Variants in ABHD5 observed in about 807,000 individuals in gnomAD.
ABHD5 encodes the protein 1-acylglycerol-3-phosphate O-acyltransferase ABHD5.
Under a neutral mutation model 44.9 loss-of-function variants are expected in ABHD5, and 30 were observed. That is an observed-to-expected ratio of 0.67 (90% CI 0.50 to 0.91). The LOEUF is 0.91. Ranked by LOEUF, ABHD5 falls within the 40% of genes least tolerant of loss-of-function variation. ABHD5 has a pLI of 0.00. For synonymous variants in ABHD5, 167 were observed against 147.0 expected (o/e 1.14, Z -0.99); for missense variants, 399 against 423.4 (o/e 0.94, Z 0.50).
chr3:43,724,514 A>G (rs2084865355), downstream of ABHD5, among the ~76,000 whole-genome samples: 1 of 152,198 alleles, frequency 6.6e-6, no homozygotes, highest in Non-Finnish European at 1.5e-5. Flanking sequence ...CATCTACAAG[A>G]TGTTCATTGC....
chr3:43,692,242 TAGAA>T (rs1393363811), intron 1 of ABHD5, among the ~76,000 whole-genome samples: 6 of 152,210 alleles, frequency 3.9e-5, no homozygotes, highest in African/African-American at 1.2e-4. Flanking sequence ...TGTGAAATAT[TAGAA>T]AGGAAGTTAT....
At chr3:43,692,728 G>T (rs1053007733) in intron 1 of ABHD5, among the ~76,000 whole-genome samples, 2 of 152,196 alleles carry the variant, frequency 1.3e-5, no homozygotes, top group Non-Finnish European at 2.9e-5. Context: ...CAGCCTGCCA[G>T]CAAGTAGCAG....
chr3:43,703,627 T>G (rs958477420), intron 3 of ABHD5, among the ~76,000 whole-genome samples: 2 of 152,180 alleles, frequency 1.3e-5, no homozygotes, highest in Non-Finnish European at 2.9e-5. Context: ...AATACAGCAT[T>G]TTTGTGTTGC....
intron 7 of ABHD5, among the ~76,000 whole-genome samples, chr3:43,730,851 C>T (rs866878718): frequency 6.7e-6 from 1 of 150,222 alleles, no homozygotes. Flanking sequence ...TTTTTTGAGA[C>T]GGAGTCTCGA....
chr3:43,693,047 G>A (rs2084420163), intron 1 of ABHD5, among the ~76,000 whole-genome samples: 1 of 152,184 alleles, frequency 6.6e-6, no homozygotes. Context: ...ACCCCTTTCA[G>A]TTGCAATACA....
At chr3:43,708,584 A>G (rs2084650987) in intron 3 of ABHD5, among the ~76,000 whole-genome samples, 1 of 152,188 alleles carries the variant, frequency 6.6e-6, no homozygotes, top group Non-Finnish European at 1.5e-5. Context: ...TACTGTAACT[A>G]GCTTACATTT....
rs2084743745 is a variant in ABHD5 at position 43,715,005 on chromosome 3, C to G, written c.720C>G (p.Phe240Leu). ...TCAAACGAAAGTATTCTTCAATGTT[C>G]GAAGACGATACTGTGACAGAATACA... is the stretch of plus-strand genomic sequence containing the variant. Reference protein sequence around the residue: ...PDFKRKYSSMFEDDTVTEYIY... With the variant: ...PDFKRKYSSMLEDDTVTEYIY... The change falls in exon 5 of 7, where the codon TTC becomes TTG. Residue 240 changes from phenylalanine (F) to leucine (L), a missense_variant. Physicochemically the swap from Phe to Leu is conservative, Grantham distance 22. Coordinates refer to ENST00000644371, the MANE Select transcript of ABHD5 (RefSeq NM_016006.6). 2 of 1,612,458 alleles carry G rather than the reference C, an allele frequency of 1.2e-6. No homozygotes were observed. The highest frequency in any genetic ancestry group is 1.7e-5 in the Admixed American group (1 of 59,910).
Position 43,718,550 on chromosome 3 carries a change from T to G in ABHD5, c.*18T>G. The G allele has an allele frequency of 6.2e-7, 1 of 1,607,336 alleles. No individual in the cohort carries two copies. Among genetic ancestry groups the G allele is most frequent in the Non-Finnish European group, 8.5e-7 (1 of 1,173,786 alleles). On this transcript the variant is annotated 3_prime_UTR_variant, in exon 7 of 7. Transcript: ENST00000644371. ...TGGACTGAACACACTGAAGCTCTGA[T>G]GGGAAAACCTGGTGACTGATATAGT...
At chr3:43,733,071 C>T (rs1697265414) in intron 7 of ABHD5, among the ~76,000 whole-genome samples, 1 of 152,210 alleles carries the variant, frequency 6.6e-6, no homozygotes, top group Non-Finnish European at 1.5e-5. Context: ...CAGTTACAAC[C>T]TTGTGCAGTG....
In ABHD5 at chr3:43,722,263, G is replaced by A. The variant is rs1333401875; in HGVS notation, c.*3731G>A. 3 of 152,168 alleles carry A rather than the reference G, an allele frequency of 2.0e-5. No individual in the cohort carries two copies. Among genetic ancestry groups the A allele is most frequent in the Admixed American group, 6.6e-5 (1 of 15,266 alleles). 9.4% of individuals were successfully genotyped at this position (152,168 alleles called of 1,614,324 possible). ...ACTACACAGCTGTAGAAAGGACTGC[G>A]AACTATTTTTGTAGTTCTGGTCTGG... On this transcript the variant is annotated 3_prime_UTR_variant, in exon 7 of 7. Transcript: ENST00000644371.
rs2084365740 is a variant in ABHD5, at chr3:43,691,039, G to C, written c.47G>C (p.Arg16Thr). 6.4e-7 allele frequency: 1 copy of C among 1,556,166 alleles called. No individual in the cohort carries two copies. The highest frequency in any genetic ancestry group is 8.7e-7 in the Non-Finnish European group (1 of 1,153,206). The change falls in exon 1 of 7, where the codon AGG becomes ACG. Residue 16 changes from arginine (R) to threonine (T), a missense_variant and splice_region_variant. Coordinates refer to ENST00000644371, the MANE Select transcript of ABHD5 (RefSeq NM_016006.6). ...GTGGACTCTGCCGACACCGGAGAGA[G>C]GTAAGCGCAGCCGGCAGGGGGCTTC... ...EEVDSADTGE[R>T]SGWLTGWLPT...
rs375045684 is a variant in ABHD5, at chr3:43,716,093, A to G, written c.773+1035A>G. On this transcript the variant is annotated intron_variant, in intron 5 of 6. Transcript: ENST00000644371. ...TATGTTTTAAAAATATGACTTATGG[A>G]TGTTGGGTGAAAAGTACCAGTGGAG... Among the ~76,000 whole-genome samples, 52 of 152,244 alleles carry G rather than the reference A, an allele frequency of 3.4e-4. 2 individuals are homozygous for G. In the South Asian group the frequency reaches 1.0e-2, roughly 29 times the overall value.
intron 5 of ABHD5, among the ~76,000 whole-genome samples, chr3:43,717,140 A>T (rs1263040881): frequency 2.0e-5 from 3 of 151,728 alleles, no homozygotes; most frequent in Non-Finnish European, 4.4e-5. Context: ...GTGCAGCTGC[A>T]CTCCAGCCTA....
intron 7 of ABHD5, among the ~76,000 whole-genome samples, chr3:43,733,209 G>A (rs1014695087): frequency 6.6e-5 from 10 of 152,166 alleles, no homozygotes; most frequent in Non-Finnish European, 2.9e-5. Context: ...TGGGATCCCT[G>A]GGGGCTGTCT....
chr3:43,718,376 TTATA>T, intron 6 of ABHD5, 63 bp from the exon 7 acceptor site: 1 of 1,294,794 alleles, frequency 7.7e-7, no homozygotes, highest in South Asian at 1.2e-5. Flanking sequence ...GTGTCTTTGC[TTATA>T]TATCATTCTG....
intron 1 of ABHD5, among the ~76,000 whole-genome samples, chr3:43,698,993 T>G (rs1479558183): frequency 1.3e-5 from 2 of 152,230 alleles, no homozygotes; most frequent in Non-Finnish European, 2.9e-5. Context: ...TTGTGTTTTC[T>G]TGTTCTTCCC....
chr3:43,728,375 T>C (rs777040491), intron 7 of ABHD5, among the ~76,000 whole-genome samples: 2 of 152,216 alleles, frequency 1.3e-5, no homozygotes, highest in Non-Finnish European at 2.9e-5. Flanking sequence ...ATAAGATTGA[T>C]GAACAAGTCA....
upstream of ABHD5, chr3:43,690,921 C>A (rs1356192941): frequency 9.4e-6 from 14 of 1,493,636 alleles, no homozygotes; most frequent in African/African-American, 1.9e-4. Flanking sequence ...AAGTGCCGCG[C>A]CAGCCCGGGG....
intron 7 of ABHD5, among the ~76,000 whole-genome samples, chr3:43,728,837 G>T (rs2084895260): frequency 6.6e-6 from 1 of 152,198 alleles, no homozygotes; most frequent in South Asian, 2.1e-4. Context: ...TACACGTAAA[G>T]CCTGCGTGCT....
Sources: gnomAD v4.1 joint callset for allele counts (sites outside exome capture counted in the v4.1 genomes callset) on GRCh38, gnomAD v4.1.1 for gene constraint, MANE v1.5 for transcripts, NCBI Gene and HGNC (gene_info 2026-07-23, HGNC 2026-07-21) for gene names.